The following PACRG variants were observed in gnomAD, a reference collection of about 807,000 sequenced individuals.
The protein encoded by PACRG is parkin coregulated, also known as parkin coregulated gene protein.
A neutral mutation model predicts 29.7 loss-of-function variants in PACRG; 29 were observed. The observed-to-expected ratio is 0.98, with a 90% CI of 0.73 to 1.33. PACRG has a LOEUF of 1.33. PACRG is among the 40% of genes most tolerant of loss of function. The pLI, the probability that PACRG is intolerant of heterozygous loss-of-function variation, is 0.00. For missense variants in PACRG, 279 were observed against 316.2 expected, an observed-to-expected ratio of 0.88 and a Z score of 0.89; for synonymous variants, 116 against 118.7, an observed-to-expected ratio of 0.98 and a Z score of 0.15.
At chr6:163,064,371 G>A (rs886816812) in intron 3 of PACRG, among the ~76,000 whole-genome samples, 2 of 152,182 alleles carry the variant, frequency 1.3e-5, no homozygotes, top group African/African-American at 4.8e-5. Context: ...CTGCCGATGA[G>A]CGAAAACGTT....
intron 2 of PACRG, among the ~76,000 whole-genome samples, chr6:162,959,098 A>G (rs1278030472): frequency 1.4e-5 from 2 of 140,998 alleles, no homozygotes; most frequent in East Asian, 4.2e-4. Context: ...TTTTTTTTGT[A>G]GTGGAGATGG....
In PACRG at chr6:162,919,734, T is replaced by G. The variant is rs546771605; in HGVS notation, c.291+105453T>G. Among the ~76,000 whole-genome samples the G allele has an allele frequency of 4.6e-5, 7 of 152,304 alleles. No individual in the cohort carries two copies. The South Asian group carries it at 1.4e-3, about 32-fold the overall frequency. On this transcript the variant is annotated intron_variant, in intron 2 of 4. Coordinates refer to ENST00000366888, the MANE Select transcript of PACRG (RefSeq NM_001080379.2). ...GCTGAATTTTACTAAATTAGGTTTG[T>G]ATAGAAAAATGTAACCTCATGTATA...
At chr6:163,000,775 C>A (rs1349899791) in intron 2 of PACRG, among the ~76,000 whole-genome samples, 2 of 152,162 alleles carry the variant, frequency 1.3e-5, no homozygotes, top group Non-Finnish European at 2.9e-5. Context: ...ATGCTGCAGG[C>A]TCTGTGTTAG....
At chr6:162,941,885 A>T (rs1002077977) in intron 2 of PACRG, among the ~76,000 whole-genome samples, 1 of 152,206 alleles carries the variant, frequency 6.6e-6, no homozygotes, top group Non-Finnish European at 1.5e-5. Flanking sequence ...AAAAAAAGCC[A>T]GTTGCTTTCA....
At chr6:163,192,670 G>A (rs1034635680) in intron 4 of PACRG, among the ~76,000 whole-genome samples, 8 of 152,068 alleles carry the variant, frequency 5.3e-5, no homozygotes, top group African/African-American at 1.2e-4. Flanking sequence ...TTATCATAGC[G>A]TACAAAGCTA....
intron 2 of PACRG, among the ~76,000 whole-genome samples, chr6:163,046,986 C>T (rs1809467930): frequency 6.6e-6 from 1 of 152,226 alleles, no homozygotes; most frequent in Non-Finnish European, 1.5e-5. Flanking sequence ...AAATTGCCTC[C>T]TGGCATTAAC....
chr6:162,756,578 CT>C (rs1284382354), intron 1 of PACRG, among the ~76,000 whole-genome samples: 1 of 151,988 alleles, frequency 6.6e-6, no homozygotes, highest in Non-Finnish European at 1.5e-5. Context: ...GTGGTTGGAT[CT>C]TTTTTTAAAA....
intron 2 of PACRG, among the ~76,000 whole-genome samples, chr6:162,977,796 C>A (rs1199574876): frequency 6.6e-6 from 1 of 152,038 alleles, no homozygotes; most frequent in Non-Finnish European, 1.5e-5. Context: ...TTTAAACACC[C>A]CAAAACTACC....
At chr6:162,781,184 G>C (rs1480620757) in intron 1 of PACRG, among the ~76,000 whole-genome samples, 1 of 152,036 alleles carries the variant, frequency 6.6e-6, no homozygotes, top group Non-Finnish European at 1.5e-5. Flanking sequence ...TGAAACCTAT[G>C]ACACCTTGGG....
intron 2 of PACRG, among the ~76,000 whole-genome samples, chr6:162,965,447 T>C (rs1477998073): frequency 6.6e-6 from 1 of 152,206 alleles, no homozygotes; most frequent in Non-Finnish European, 1.5e-5. Context: ...CAAAGACTGC[T>C]TTCTGGTTCA....
At chr6:163,291,060 G>A (rs1216982133) in intron 4 of PACRG, among the ~76,000 whole-genome samples, 1 of 152,228 alleles carries the variant, frequency 6.6e-6, no homozygotes, top group African/African-American at 2.4e-5. Flanking sequence ...CCTGGCTTCA[G>A]TGCCCGGCTG....
chr6:163,099,361 T>G (rs1024531842), intron 4 of PACRG, among the ~76,000 whole-genome samples: 1 of 152,198 alleles, frequency 6.6e-6, no homozygotes, highest in Non-Finnish European at 1.5e-5. Flanking sequence ...TTTAATGTAT[T>G]TAAACGCTCA....
chr6:163,015,120 C>A (rs1238784457), intron 2 of PACRG, among the ~76,000 whole-genome samples: 1 of 152,050 alleles, frequency 6.6e-6, no homozygotes, highest in Non-Finnish European at 1.5e-5. Flanking sequence ...CTATTTGTTG[C>A]TTATTTTTGT....
chr6:162,902,067 TTTTG>T (rs1465518019), intron 2 of PACRG, among the ~76,000 whole-genome samples: 3 of 152,232 alleles, frequency 2.0e-5, no homozygotes, highest in Non-Finnish European at 4.4e-5. Context: ...CTTAATCGTT[TTTTG>T]TTTGTTTTGA....
At chr6:162,896,054 A>G (rs1795141069) in intron 2 of PACRG, among the ~76,000 whole-genome samples, 1 of 152,216 alleles carries the variant, frequency 6.6e-6, no homozygotes, top group Non-Finnish European at 1.5e-5. Context: ...GCAGCCTTAG[A>G]TCAGGCCTGT....
chr6:163,064,399 C>G (rs373666016), intron 3 of PACRG, among the ~76,000 whole-genome samples: 1 of 152,168 alleles, frequency 6.6e-6, no homozygotes, highest in Non-Finnish European at 1.5e-5. Flanking sequence ...ACTCAGTAAA[C>G]ATGATTTGTC....
chr6:162,755,622 A>G (rs1262384431), intron 1 of PACRG, among the ~76,000 whole-genome samples: 1 of 152,172 alleles, frequency 6.6e-6, no homozygotes, highest in East Asian at 1.9e-4. Context: ...TTTTAAGTAG[A>G]GACGGGGTTT....
At chr6:162,831,921 G>A (rs111526386) in intron 2 of PACRG, among the ~76,000 whole-genome samples, 3 of 152,088 alleles carry the variant, frequency 2.0e-5, no homozygotes, top group African/African-American at 7.2e-5. Flanking sequence ...ATGGGCATTT[G>A]GGTTGATTCC....
At chr6:162,909,458 G>A (rs1796155803) in intron 2 of PACRG, among the ~76,000 whole-genome samples, 1 of 151,380 alleles carries the variant, frequency 6.6e-6, no homozygotes, top group Non-Finnish European at 1.5e-5. Flanking sequence ...GGGAGGCTGA[G>A]GCAGGAGAAT....
Sources: allele counts gnomAD v4.1 joint callset (sites outside exome capture counted in the v4.1 genomes callset), GRCh38; gene constraint gnomAD v4.1.1; transcripts MANE v1.5; gene names NCBI Gene and HGNC (gene_info 2026-07-23, HGNC 2026-07-21).